The following TNRC6B variants were observed in gnomAD, a reference collection of about 807,000 sequenced individuals.
TNRC6B encodes the protein trinucleotide repeat-containing gene 6B protein.
Under a neutral mutation model 203.6 loss-of-function variants are expected in TNRC6B, and 52 were observed. That is an observed-to-expected ratio of 0.26 (90% CI 0.20 to 0.32). TNRC6B has a LOEUF of 0.32. Among genes scored for constraint, TNRC6B ranks in the 10% least tolerant of loss-of-function variants. The probability of loss-of-function intolerance (pLI) is 1.00; values close to 1 mark genes in which losing one functional copy is unlikely to be tolerated. For synonymous variants in TNRC6B, 838 were observed against 845.7 expected (o/e 0.99, Z 0.16); for missense variants, 1,923 against 2,286.2 (o/e 0.84, Z 3.24).
chr22:40,221,799 G>T (rs1024096030), intron 1 of TNRC6B, among the ~76,000 whole-genome samples: 4 of 135,664 alleles, frequency 2.9e-5, no homozygotes, highest in East Asian at 2.4e-4. Flanking sequence ...TCCTGCTGCC[G>T]CTTGCTCCAA....
At chr22:40,280,261 C>A in intron 10 of TNRC6B, 118 bp downstream of exon 10, 1 of 952,320 alleles carries the variant, frequency 1.1e-6, no homozygotes, top group Non-Finnish European at 1.6e-6. Flanking sequence ...GAGCAAAACA[C>A]AAACATCACC....
intron 3 of TNRC6B, among the ~76,000 whole-genome samples, chr22:40,257,153 GGTCATTCT>G (rs1408414116): frequency 2.0e-5 from 3 of 152,094 alleles, no homozygotes; most frequent in Non-Finnish European, 4.4e-5. Flanking sequence ...AACATTTCTA[GGTCATTCT>G]TTTTTATGTT....
At position 40,106,641 on chromosome 22, in the gene TNRC6B, A is replaced by G. The variant is rs2068286038; in HGVS notation, c.-120-10414A>G. ...AGTGACTTTAGATTTGGGTACCCCCAAGCAATATATGACTCTACAATCCTC... is the reference window on the plus strand; with the variant it reads ...AGTGACTTTAGATTTGGGTACCCCCGAGCAATATATGACTCTACAATCCTC... On this transcript the variant is annotated intron_variant, in intron 1 of 23. Coordinates refer to the TNRC6B transcript ENST00000301923. The G allele has an allele frequency of 9.5e-6, 7 of 737,378 alleles. No homozygotes were observed. The Admixed American group carries it at 1.2e-4, about 13-fold the overall frequency. 45.7% of individuals were successfully genotyped at this position (737,378 alleles called of 1,614,324 possible). A position where few individuals can be genotyped will look rare whatever the true frequency, so the allele number is the denominator to read the frequency against.
intron 6 of TNRC6B, among the ~76,000 whole-genome samples, chr22:40,271,891 CT>C (rs1346146681): frequency 3.9e-5 from 6 of 152,210 alleles, no homozygotes; most frequent in African/African-American, 1.4e-4. Flanking sequence ...ACCCTGTGAT[CT>C]TCTGTAGCCT....
chr22:40,085,696 C>A (rs1327179092), intron 1 of TNRC6B, among the ~76,000 whole-genome samples: 1 of 152,124 alleles, frequency 6.6e-6, no homozygotes, highest in Non-Finnish European at 1.5e-5. Context: ...CATCAAGAGG[C>A]ACATAATAAC....
At chr22:40,290,346 G>A (rs545723843) in intron 12 of TNRC6B, among the ~76,000 whole-genome samples, 1 of 152,346 alleles carries the variant, frequency 6.6e-6, no homozygotes, top group African/African-American at 2.4e-5. Flanking sequence ...TAAAACAAAA[G>A]GCAGGTTGTG....
rs1292227314 is a variant in TNRC6B at position 40,132,943 on chromosome 22, C to CAAAAATAAAAAATTA, written c.45+7086_45+7087insTAAAAAATTAAAAAA. On this transcript the variant is annotated intron_variant, in intron 3 of 23. Transcript: ENST00000301923. ...TGGGGGACAGAGCAAGACTCTGTCTCAAAAAAAAAAAAAAAAAAAAAAAAA... is the reference window on the plus strand; with the variant it reads ...TGGGGGACAGAGCAAGACTCTGTCTCAAAAATAAAAAATTAAAAAAAAAAAAAAAAAAAAAAAAAA... 1.3e-4 allele frequency among the ~76,000 whole-genome samples: 3 copies of CAAAAATAAAAAATTA among 23,872 alleles called. 1 individual carries two copies. The highest frequency in any genetic ancestry group is 2.4e-3 in the South Asian group (1 of 422). 15.7% of individuals were successfully genotyped at this position (23,872 alleles called of 152,430 possible).
chr22:40,286,337 G>C (rs2070780916), intron 12 of TNRC6B, among the ~76,000 whole-genome samples: 1 of 152,042 alleles, frequency 6.6e-6, no homozygotes. Context: ...AATTAGCCAG[G>C]CATAAAGAAC....
intron 15 of TNRC6B, among the ~76,000 whole-genome samples, chr22:40,303,435 C>G (rs761815024): frequency 1.3e-5 from 2 of 152,092 alleles, no homozygotes; most frequent in Non-Finnish European, 2.9e-5. Flanking sequence ...TCATAAGTAA[C>G]TTGTAAATTT....
intron 1 of TNRC6B, among the ~76,000 whole-genome samples, chr22:40,221,260 G>A (rs1055696517): frequency 6.6e-6 from 1 of 152,056 alleles, no homozygotes; most frequent in Non-Finnish European, 1.5e-5. Flanking sequence ...TTTGTAGTAC[G>A]TACCTGGGTT....
intron 1 of TNRC6B, among the ~76,000 whole-genome samples, chr22:40,232,833 C>T (rs976754279): frequency 2.0e-5 from 3 of 152,020 alleles, no homozygotes; most frequent in African/African-American, 4.8e-5. Flanking sequence ...GCCAACATGG[C>T]GAAACCCTGT....
At chr22:40,140,628 G>A (rs2068636447) in intron 3 of TNRC6B, among the ~76,000 whole-genome samples, 1 of 152,066 alleles carries the variant, frequency 6.6e-6, no homozygotes, top group Non-Finnish European at 1.5e-5. Flanking sequence ...TGAATAGATG[G>A]TAATTTTTTT....
chr22:40,265,725 G>C lies in TNRC6B; in HGVS notation c.1495G>C (p.Gly499Arg), dbSNP rs146306455. 2,901 of 1,613,964 alleles carry C rather than the reference G, an allele frequency of 1.8e-3. 52 individuals are homozygous for C. The highest frequency in any genetic ancestry group is 4.0e-4 in the Non-Finnish European group (471 of 1,179,884). The part of the protein sequence containing the change: ...QDSNDNKWGE[G>R]NKMTSGVSQG... ...CTCTAATGACAACAAATGGGGTGAA[G>C]GGAACAAAATGACATCTGGGGTCTC... Residue 499 changes from glycine to arginine, a missense_variant, in exon 5 of 23, where the codon GGG (glycine) becomes CGG (arginine). Physicochemically the swap from Gly to Arg is moderately radical, Grantham distance 125. Around this residue, in one of 8 missense-constraint regions of TNRC6B, gnomAD observed 614 missense variants for 587.7 expected, o/e 1.04. Coordinates refer to ENST00000454349, the MANE Select transcript of TNRC6B (RefSeq NM_001162501.2).
intron 3 of TNRC6B, among the ~76,000 whole-genome samples, chr22:40,147,017 C>T (rs1418559645): frequency 6.6e-6 from 1 of 152,152 alleles, no homozygotes; most frequent in Non-Finnish European, 1.5e-5. Context: ...TAGAGGTATT[C>T]ACAATAGCGA....
intron 12 of TNRC6B, among the ~76,000 whole-genome samples, chr22:40,298,549 A>C (rs531874493): frequency 1.7e-4 from 26 of 152,246 alleles, no homozygotes; most frequent in Non-Finnish European, 3.1e-4. Flanking sequence ...TAAGCATTTG[A>C]CATTGATTAA....
At chr22:40,315,685 A>AAAGGGACCCAAGAACTCCC (rs139912) in intron 20 of TNRC6B, among the ~76,000 whole-genome samples, 178 bp downstream of exon 20, 151,717 of 152,018 alleles carry the variant, frequency 1, 75,708 homozygotes, top group Middle Eastern at 1. Context: ...AGTATAAGGC[A>AAAGGGACCCAAGAACTCCC]AAGGGACAGA....
At chr22:40,073,874 A>G (rs947152309) in intron 1 of TNRC6B, among the ~76,000 whole-genome samples, 1 of 152,168 alleles carries the variant, frequency 6.6e-6, no homozygotes, top group African/African-American at 2.4e-5. Flanking sequence ...CCTGGCCAAC[A>G]TAGCGAAACC....
chr22:40,232,444 A>G (rs1208717626), intron 1 of TNRC6B, among the ~76,000 whole-genome samples: 1 of 152,204 alleles, frequency 6.6e-6, no homozygotes, highest in Non-Finnish European at 1.5e-5. Flanking sequence ...ATGTGTTCTG[A>G]AAAGGAAGTT....
At chr22:40,280,550 G>C (rs1488339714) in intron 10 of TNRC6B, among the ~76,000 whole-genome samples, 1 of 152,122 alleles carries the variant, frequency 6.6e-6, no homozygotes. Context: ...CCAGTTCCTA[G>C]CGATCTGTGT....
Sources: allele counts gnomAD v4.1 joint callset (sites outside exome capture counted in the v4.1 genomes callset), GRCh38; gene constraint gnomAD v4.1.1; regional missense constraint gnomAD v4.1.1; transcripts MANE v1.5; gene names NCBI Gene and HGNC (gene_info 2026-07-23, HGNC 2026-07-21).